The following KCNMA1 variants were observed in gnomAD, a reference collection of about 807,000 sequenced individuals.
KCNMA1 encodes Calcium-activated potassium channel subunit alpha-1.
KCNMA1 carries 29 observed loss-of-function variants against 140.0 expected under a neutral mutation model. The ratio of observed to expected loss-of-function variants is 0.21; its 90% CI spans 0.15 to 0.28. KCNMA1 has a LOEUF of 0.28. Among genes scored for constraint, KCNMA1 ranks in the 10% least tolerant of loss-of-function variants. KCNMA1 has a pLI of 1.00. For missense variants in KCNMA1, 880 were observed against 1,602.2 expected (o/e 0.55, Z 7.70); for synonymous variants, 612 against 611.9 (o/e 1.00, Z 0.00).
At chr10:77,542,601 G>A (rs940181263) in intron 1 of KCNMA1, among the ~76,000 whole-genome samples, 1 of 152,196 alleles carries the variant, frequency 6.6e-6, no homozygotes, top group Admixed American at 6.5e-5. Context: ...AAGATACGCA[G>A]GGAGGCTTTT....
At chr10:77,085,483 TA>T (rs2096670488) in intron 11 of KCNMA1, among the ~76,000 whole-genome samples, 1 of 152,170 alleles carries the variant, frequency 6.6e-6, no homozygotes, top group South Asian at 2.1e-4. Context: ...AGATTTTACA[TA>T]AGCAATAACT....
Position 77,482,303 on chromosome 10 carries a change from C to T in KCNMA1, c.379-78280G>A, listed in dbSNP as rs140129384. Among the ~76,000 whole-genome samples the T allele has an allele frequency of 8.3e-4, 127 of 152,328 alleles. 1 individual carries two copies. The highest frequency in any genetic ancestry group is 7.7e-3 in the East Asian group (40 of 5,180). ...TCTGTCCTGACTCCAGTAAGCTGCTCATGCTGGGTCCCAGGGCCAAAGGTT... is the reference window on the plus strand; with the variant it reads ...TCTGTCCTGACTCCAGTAAGCTGCTTATGCTGGGTCCCAGGGCCAAAGGTT... On this transcript the variant is annotated intron_variant, in intron 1 of 27. Transcript: ENST00000286628.
chr10:77,390,410 T>C (rs926038516), intron 2 of KCNMA1, among the ~76,000 whole-genome samples: 1 of 152,220 alleles, frequency 6.6e-6, no homozygotes, highest in Non-Finnish European at 1.5e-5. Context: ...TCTCTCTTTC[T>C]GATGATCTGA....
At chr10:77,001,294 C>A in intron 19 of KCNMA1, 113 bp downstream of exon 19, 3 of 974,224 alleles carry the variant, frequency 3.1e-6, no homozygotes, top group South Asian at 1.5e-5. Flanking sequence ...GGAGTTCACA[C>A]TGGGAAGAAG....
At chr10:77,455,194 G>T (rs1487441206) in intron 1 of KCNMA1, among the ~76,000 whole-genome samples, 2 of 152,062 alleles carry the variant, frequency 1.3e-5, no homozygotes, top group African/African-American at 4.8e-5. Context: ...TTCAGAACCG[G>T]GCTCTCACAC....
rs531560482 is a variant in KCNMA1 at position 77,443,284 on chromosome 10, G to C, written c.379-39261C>G. On this transcript the variant is annotated intron_variant, in intron 1 of 27. Coordinates refer to ENST00000286628, the MANE Select transcript of KCNMA1 (RefSeq NM_001161352.2). The stretch of plus-strand genomic sequence containing the variant: ...TCCTGCAGGCCAGGGACTGGTTTCT[G>C]TTTGTCTAGAAGCCCTGCATTCATG... 5.3e-5 allele frequency among the ~76,000 whole-genome samples: 8 copies of C among 152,290 alleles called. No homozygotes were observed. In the East Asian group the frequency reaches 7.7e-4, roughly 15 times the overall value.
At chr10:77,503,960 T>A (rs1019105150) in intron 1 of KCNMA1, among the ~76,000 whole-genome samples, 1 of 151,872 alleles carries the variant, frequency 6.6e-6, no homozygotes, top group African/African-American at 2.4e-5. Flanking sequence ...ATGTGACATG[T>A]CCAATGTTCA....
intron 1 of KCNMA1, among the ~76,000 whole-genome samples, chr10:77,411,789 G>A (rs966441397): frequency 6.6e-6 from 1 of 152,176 alleles, no homozygotes; most frequent in Non-Finnish European, 1.5e-5. Flanking sequence ...TCCTTTCTCT[G>A]CCAAGAACCT....
intron 1 of KCNMA1, among the ~76,000 whole-genome samples, chr10:77,495,842 A>C (rs993347532): frequency 6.6e-6 from 1 of 152,150 alleles, no homozygotes; most frequent in Non-Finnish European, 1.5e-5. Context: ...TGACCCCTCC[A>C]TTCCCTCAGA....
Position 76,887,291 on chromosome 10 carries a change from T to G in KCNMA1, c.3686A>C (p.Lys1229Thr). Residue 1229 changes from lysine (K) to threonine (T), a missense_variant, in exon 28 of 28, where the codon AAG becomes ACG. Around this residue, in one of 13 missense-constraint regions of KCNMA1, gnomAD observed 115 missense variants for 139.9 expected, o/e 0.82. Transcript: ENST00000286628. ...TCAAAGCCGCTCTTCCTGCACGTAC[T>G]TCTGTTTGTCCCGGGACTCCCTGGA... is the stretch of plus-strand genomic sequence containing the variant. The part of the protein sequence containing the change: ...PKSRESRDKQ[K>T]YVQEERL 1 of 1,614,142 alleles carries G rather than the reference T, an allele frequency of 6.2e-7. No homozygotes were observed. Among genetic ancestry groups the G allele is most frequent in the Non-Finnish European group, 8.5e-7 (1 of 1,180,026 alleles).
chr10:77,259,880 C>A (rs1011389666), intron 2 of KCNMA1, among the ~76,000 whole-genome samples: 3 of 152,176 alleles, frequency 2.0e-5, no homozygotes, highest in Admixed American at 1.3e-4. Flanking sequence ...GGGTGTGTGT[C>A]CATTTTTAGT....
At chr10:77,580,020 C>A (rs1018747949) in intron 1 of KCNMA1, among the ~76,000 whole-genome samples, 3 of 152,182 alleles carry the variant, frequency 2.0e-5, no homozygotes, top group African/African-American at 7.2e-5. Context: ...CCATAAAATG[C>A]TATCCTTAAT....
At chr10:77,199,815 G>A (rs1428647016) in intron 3 of KCNMA1, among the ~76,000 whole-genome samples, 2 of 152,150 alleles carry the variant, frequency 1.3e-5, no homozygotes, top group Non-Finnish European at 2.9e-5. Context: ...CTCGTATAGA[G>A]CCTAAGTAGA....
intron 19 of KCNMA1, among the ~76,000 whole-genome samples, chr10:76,979,205 G>A (rs1399352587): frequency 6.6e-6 from 1 of 152,184 alleles, no homozygotes; most frequent in Non-Finnish European, 1.5e-5. Flanking sequence ...GTTAAGGAAG[G>A]CCCTTGCAAC....
intron 3 of KCNMA1, among the ~76,000 whole-genome samples, chr10:77,213,771 G>A (rs577766842): frequency 6.6e-6 from 1 of 152,102 alleles, no homozygotes; most frequent in East Asian, 1.9e-4. Flanking sequence ...CCATGATCTT[G>A]CTCTGGACCC....
chr10:77,369,422 GC>G (rs1319902973), intron 2 of KCNMA1, among the ~76,000 whole-genome samples: 1 of 152,200 alleles, frequency 6.6e-6, no homozygotes, highest in Non-Finnish European at 1.5e-5. Context: ...CTAACTGGCA[GC>G]CATGTGTGAA....
At chr10:77,560,489 T>C (rs949298156) in intron 1 of KCNMA1, among the ~76,000 whole-genome samples, 1 of 152,228 alleles carries the variant, frequency 6.6e-6, no homozygotes, top group African/African-American at 2.4e-5. Context: ...GAGAACAGCA[T>C]GGTCAAGGCC....
chr10:77,284,129 G>A (rs937092593), intron 2 of KCNMA1, among the ~76,000 whole-genome samples: 1 of 152,204 alleles, frequency 6.6e-6, no homozygotes, highest in African/African-American at 2.4e-5. Flanking sequence ...GACACTGAGG[G>A]TGAGAGTGAA....
Position 77,043,791 on chromosome 10 carries a change from C to G in KCNMA1, c.1750-4154G>C, listed in dbSNP as rs74962510. 6.6e-5 allele frequency among the ~76,000 whole-genome samples: 10 copies of G among 152,254 alleles called. No individual in the cohort carries two copies. The East Asian group carries it at 1.9e-3, about 29-fold the overall frequency. On this transcript the variant is annotated intron_variant, in intron 14 of 27. Transcript: ENST00000286628. ...ACTTATATGAGGTACCTAGAGTCCT[C>G]AAATGCATAGAAACAGAAAGTAGGA...
Sources: allele counts gnomAD v4.1 joint callset (sites outside exome capture counted in the v4.1 genomes callset), GRCh38; gene constraint gnomAD v4.1.1; regional missense constraint gnomAD v4.1.1; transcripts MANE v1.5; gene names NCBI Gene and HGNC (gene_info 2026-07-23, HGNC 2026-07-21).